RPL34: variants seen among roughly 807,000 people sequenced by gnomAD.
RPL34 encodes the protein large ribosomal subunit protein eL34.
RPL34 carries 2 observed loss-of-function variants against 16.3 expected under a neutral mutation model. That is an observed-to-expected ratio of 0.12 (90% CI 0.05 to 0.39). The LOEUF is 0.39. Ranked by LOEUF, RPL34 falls within the 10% of genes least tolerant of loss-of-function variation. The pLI, the probability that RPL34 is intolerant of heterozygous loss-of-function variation, is 0.99. For missense variants in RPL34, 82 were observed against 148.8 expected, an observed-to-expected ratio of 0.55 and a Z score of 2.33; for synonymous variants, 47 against 48.5, an observed-to-expected ratio of 0.97 and a Z score of 0.13.
At chr4:108,629,479 A>G (rs1404021644), downstream of RPL34, among the ~76,000 whole-genome samples, 1 of 151,602 alleles carries the variant, frequency 6.6e-6, no homozygotes, top group African/African-American at 2.4e-5. Flanking sequence ...GACAAAGAGC[A>G]TTGACGGGTG....
At chr4:108,621,230 T>G (rs1018972461) in intron 1 of RPL34, 1 of 152,284 alleles carries the variant, frequency 6.6e-6, no homozygotes, top group African/African-American at 2.4e-5. Context: ...TTAAATTAGT[T>G]CAAGTATTGA....
chr4:108,629,193 T>G (rs1578327347), downstream of RPL34, among the ~76,000 whole-genome samples: 1 of 152,194 alleles, frequency 6.6e-6, no homozygotes, highest in South Asian at 2.1e-4. Flanking sequence ...ACATTTTAAG[T>G]CAAAACTGGA....
In RPL34 at chr4:108,625,347, T is replaced by C; in HGVS notation, c.*135T>C. 7.4e-6 allele frequency: 4 copies of C among 542,730 alleles called. No individual in the cohort carries two copies. The South Asian group carries it at 1.1e-4, about 15-fold the overall frequency. The allele number at this position is 542,730 out of a possible 1,614,324, so 33.6% of individuals were successfully genotyped here. On this transcript the variant is annotated 3_prime_UTR_variant, in exon 5 of 5. Coordinates refer to ENST00000394667, the MANE Select transcript of RPL34 (RefSeq NM_001319236.2). The stretch of plus-strand genomic sequence containing the variant: ...GGGGACCCTATAGTTTTTAGCAGAT[T>C]ACTTTTTCTTGTTTTGTTTGTTGTT...
chr4:108,622,148 A>G lies in RPL34; in HGVS notation c.109A>G (p.Lys37Glu). ...TAGAATTGTTTACCTTTATACCAAG[A>G]AGGTTGGGAAAGCACCAAAATCTGC... is the stretch of plus-strand genomic sequence containing the variant. ...GNRIVYLYTK[K>E]VGKAPKSACG... The change falls in exon 3 of 5, where the codon AAG (lysine) becomes GAG (glutamate). Residue 37 changes from lysine to glutamate, a missense_variant. Lys to Glu is a moderately conservative substitution (Grantham distance 56). Transcript: ENST00000394667. 1 of 1,613,836 alleles carries G rather than the reference A, an allele frequency of 6.2e-7. No homozygotes were observed. Among genetic ancestry groups the G allele is most frequent in the Middle Eastern group, 1.6e-4 (1 of 6,062 alleles).
intron 1 of RPL34, chr4:108,621,171 G>C (rs544262073): frequency 6.6e-6 from 1 of 152,218 alleles, no homozygotes; most frequent in African/African-American, 2.4e-5. Flanking sequence ...ATTTTAGTGA[G>C]AGGCTTGTGA....
At chr4:108,622,052 A>G in intron 2 of RPL34, 28 bp downstream of exon 2, 1 of 1,599,204 alleles carries the variant, frequency 6.3e-7, no homozygotes, top group Non-Finnish European at 8.6e-7. Flanking sequence ...TTTTAAGTAT[A>G]TATTGTCATT....
At chr4:108,622,256 C>A in intron 3 of RPL34, 52 bp downstream of exon 3, 1 of 1,266,498 alleles carries the variant, frequency 7.9e-7, no homozygotes, top group Non-Finnish European at 1.1e-6. Flanking sequence ...ACTTACTGAG[C>A]TTTCATCCCT....
Position 108,625,322 on chromosome 4 carries a change from G to C in RPL34, c.*110G>C. 1 of 630,298 alleles carries C rather than the reference G, an allele frequency of 1.6e-6. No individual in the cohort carries two copies. Among genetic ancestry groups the C allele is most frequent in the East Asian group, 2.8e-5 (1 of 36,042 alleles). The allele number at this position is 630,298 out of a possible 1,614,324, so 39.0% of individuals were successfully genotyped here. A position where few individuals can be genotyped will look rare whatever the true frequency, so the allele number is the denominator to read the frequency against. On this transcript the variant is annotated 3_prime_UTR_variant, in exon 5 of 5. Transcript: ENST00000394667. ...CAGATTTTGTTTCTGTATGGTATTT[G>C]GGGACCCTATAGTTTTTAGCAGATT...
downstream of RPL34, chr4:108,630,125 A>G (rs950926075): frequency 6.6e-6 from 1 of 152,162 alleles, no homozygotes; most frequent in Non-Finnish European, 1.5e-5. Context: ...TCTGCTTGGC[A>G]TCTTGAGATT....
chr4:108,627,164 G>A (rs912218730), downstream of RPL34, among the ~76,000 whole-genome samples: 2 of 152,006 alleles, frequency 1.3e-5, no homozygotes, highest in Admixed American at 6.6e-5. Context: ...GCTTGAACCC[G>A]GGAGGCAGAG....
At chr4:108,628,140 G>A (rs544881555), downstream of RPL34, among the ~76,000 whole-genome samples, 4 of 152,300 alleles carry the variant, frequency 2.6e-5, no homozygotes, top group South Asian at 2.1e-4. Flanking sequence ...AGTCTCAAAC[G>A]ATTGAGATAC....
At chr4:108,627,595 C>T (rs1353052117), downstream of RPL34, among the ~76,000 whole-genome samples, 1 of 151,926 alleles carries the variant, frequency 6.6e-6, no homozygotes, top group African/African-American at 2.4e-5. Context: ...GGCGCGGTGG[C>T]TCACGCCTGT....
At chr4:108,626,327 A>C (rs1432966196), downstream of RPL34, among the ~76,000 whole-genome samples, 1 of 151,076 alleles carries the variant, frequency 6.6e-6, no homozygotes, top group Non-Finnish European at 1.5e-5. Flanking sequence ...AAACAGTTTC[A>C]CCATGTTCCT....
At chr4:108,629,069 C>T (rs564269314), downstream of RPL34, among the ~76,000 whole-genome samples, 4 of 152,288 alleles carry the variant, frequency 2.6e-5, no homozygotes, top group African/African-American at 7.2e-5. Context: ...CCGCCCGCCT[C>T]GGCCTGCTAA....
At position 108,622,092 on chromosome 4, in the gene RPL34, T is replaced by G. The variant is rs1215918926; in HGVS notation, c.66-13T>G. 6.2e-7 allele frequency: 1 copy of G among 1,605,658 alleles called. No individual in the cohort carries two copies. The highest frequency in any genetic ancestry group is 1.3e-5 in the African/African-American group (1 of 74,758). Reference sequence around the variant, plus strand: ...CTACAAAATGCTGACCTACTGACTGTTTCACTTTCTAGGTCCCGAACCCCT... The same window carrying G: ...CTACAAAATGCTGACCTACTGACTGGTTCACTTTCTAGGTCCCGAACCCCT... On this transcript the variant is annotated splice_polypyrimidine_tract_variant and intron_variant, in intron 2 of 4. Coordinates refer to ENST00000394667, the MANE Select transcript of RPL34 (RefSeq NM_001319236.2).
At chr4:108,623,768 A>C (rs1455992858) in intron 4 of RPL34, among the ~76,000 whole-genome samples, 2 of 152,198 alleles carry the variant, frequency 1.3e-5, no homozygotes, top group African/African-American at 4.8e-5. Context: ...GCATTTTAGG[A>C]GGTAGATTGT....
chr4:108,625,030 T>C lies in RPL34; in HGVS notation c.270-98T>C, dbSNP rs1343890505. ...CCTGTAGTTTCCTGGGTTCCCTGATTGCTTTGCTTGGTTCTTTACCATGTT... is the reference window on the plus strand; with the variant it reads ...CCTGTAGTTTCCTGGGTTCCCTGATCGCTTTGCTTGGTTCTTTACCATGTT... On this transcript the variant is annotated intron_variant, in intron 4 of 4. Coordinates refer to ENST00000394667, the MANE Select transcript of RPL34 (RefSeq NM_001319236.2). 3 of 761,166 alleles carry C rather than the reference T, an allele frequency of 3.9e-6. No homozygotes were observed. In the East Asian group the frequency reaches 8.0e-5, roughly 20 times the overall value. The allele number at this position is 761,166 out of a possible 1,614,324, so 47.2% of individuals were successfully genotyped here. A position where few individuals can be genotyped will look rare whatever the true frequency, so the allele number is the denominator to read the frequency against.
chr4:108,628,370 A>G (rs1560615298), downstream of RPL34, among the ~76,000 whole-genome samples: 1 of 152,218 alleles, frequency 6.6e-6, no homozygotes. Context: ...ATTGTATTTG[A>G]TATAACCATC....
downstream of RPL34, among the ~76,000 whole-genome samples, chr4:108,627,310 A>G (rs1400360358): frequency 1.3e-5 from 2 of 152,080 alleles, no homozygotes; most frequent in African/African-American, 4.8e-5. Flanking sequence ...AACACTTGGG[A>G]TGCTGAGGCA....
Sources: gnomAD v4.1 joint callset for allele counts (sites outside exome capture counted in the v4.1 genomes callset) on GRCh38, gnomAD v4.1.1 for gene constraint, MANE v1.5 for transcripts, NCBI Gene and HGNC (gene_info 2026-07-23, HGNC 2026-07-21) for gene names.